PCDHGB3: variants seen among roughly 807,000 people sequenced by gnomAD.
PCDHGB3 encodes the protein protocadherin gamma subfamily B, 3.
PCDHGB3 carries 40 observed loss-of-function variants against 59.2 expected under a neutral mutation model. The ratio of observed to expected loss-of-function variants is 0.68; its 90% CI spans 0.52 to 0.88. The LOEUF (loss-of-function observed/expected upper bound fraction) is 0.88. PCDHGB3 is among the 40% of genes least tolerant of loss of function. The pLI, the probability that PCDHGB3 is intolerant of heterozygous loss-of-function variation, is 0.00. For synonymous variants in PCDHGB3, 581 were observed against 503.6 expected (o/e 1.15, Z -2.06); for missense variants, 1,309 against 1,187.9 (o/e 1.10, Z -1.50).
At position 141,410,612 on chromosome 5, in the gene PCDHGB3, C is replaced by CT. The variant is rs748943892; in HGVS notation, c.2415+37804dup. The CT allele has an allele frequency of 5.6e-6, 9 of 1,605,878 alleles. 1 individual carries two copies. The South Asian group carries it at 9.9e-5, about 18-fold the overall frequency. On this transcript the variant is annotated intron_variant, in intron 1 of 3. Transcript: ENST00000576222. ...GGATTTGACTTCACATCCTGAGACT[C>CT]TGACTTCGGTGAGTTTCTCTTTTTT...
chr5:141,491,982 T>G lies in PCDHGB3; in HGVS notation c.2416-2825T>G. On this transcript the variant is annotated intron_variant, in intron 1 of 3. Coordinates refer to ENST00000576222, the MANE Select transcript of PCDHGB3 (RefSeq NM_018924.5). This position sits in a 1 kb window ranked among gnomAD's most constrained non-coding sequence, Gnocchi z 6.9. Reference sequence around the variant, plus strand: ...AAAAGGCCGGGGCCTCCTTCGAGCTTCCGGTGAATTTCGGGCGATTTCCGC... The same window carrying G: ...AAAAGGCCGGGGCCTCCTTCGAGCTGCCGGTGAATTTCGGGCGATTTCCGC... The G allele has an allele frequency of 2.6e-6, 2 of 759,438 alleles. No homozygotes were observed. Among genetic ancestry groups the G allele is most frequent in the East Asian group, 3.2e-5 (1 of 31,728 alleles). The allele number at this position is 759,438 out of a possible 1,614,324, so 47.0% of individuals were successfully genotyped here. A position where few individuals can be genotyped will look rare whatever the true frequency, so the allele number is the denominator to read the frequency against.
At chr5:141,411,578 T>C (rs892738350) in intron 1 of PCDHGB3, 10 of 152,194 alleles carry the variant, frequency 6.6e-5, no homozygotes, top group African/African-American at 2.4e-4. Flanking sequence ...AGTGCGACCC[T>C]GTCTCTAAAA....
chr5:141,427,268 A>G (rs1433017911), intron 1 of PCDHGB3: 7 of 456,648 alleles, frequency 1.5e-5, no homozygotes, highest in Non-Finnish European at 3.1e-5. Flanking sequence ...TGACCAGCGA[A>G]TGTAAAATTA....
intron 1 of PCDHGB3, chr5:141,399,892 G>T: frequency 1.2e-6 from 2 of 1,612,554 alleles, no homozygotes; most frequent in Non-Finnish European, 1.7e-6. Flanking sequence ...CAAGGTAGTG[G>T]CCGTGGACGC....
At chr5:141,494,768 C>T (rs758949982) in intron 1 of PCDHGB3, 39 bp from the exon 2 acceptor site, 1 of 1,614,060 alleles carries the variant, frequency 6.2e-7, no homozygotes, top group South Asian at 1.1e-5. Flanking sequence ...TCTAACTTCT[C>T]ACGGGTACTC....
At chr5:141,433,854 A>T (rs2097660850) in intron 1 of PCDHGB3, among the ~76,000 whole-genome samples, 1 of 151,852 alleles carries the variant, frequency 6.6e-6, no homozygotes, top group African/African-American at 2.4e-5. Context: ...AAAAAAAAAA[A>T]ACTTTATCCT....
intron 1 of PCDHGB3, among the ~76,000 whole-genome samples, chr5:141,492,862 G>A (rs2099744602): frequency 6.6e-6 from 1 of 152,198 alleles, no homozygotes. Context: ...GAGCGCCCTG[G>A]CTCTCAACCC....
intron 1 of PCDHGB3, chr5:141,403,454 C>T: frequency 6.2e-7 from 1 of 1,614,054 alleles, no homozygotes; most frequent in Non-Finnish European, 8.5e-7. Context: ...GAACTCCCTC[C>T]AGAGCTACCA....
Position 141,511,400 on chromosome 5 carries a change from T to C in PCDHGB3, c.*227T>C. The C allele has an allele frequency of 2.0e-6, 2 of 982,250 alleles. No individual in the cohort carries two copies. Among genetic ancestry groups the C allele is most frequent in the Non-Finnish European group, 2.9e-6 (2 of 688,054 alleles). The allele number at this position is 982,250 out of a possible 1,614,324, so 60.8% of individuals were successfully genotyped here. On this transcript the variant is annotated 3_prime_UTR_variant, in exon 4 of 4. Coordinates refer to ENST00000576222, the MANE Select transcript of PCDHGB3 (RefSeq NM_018924.5). ...AGTTCCGCTGGGAACCCCCATCCAA[T>C]CAACTGCTGTACCCATGGGGGTAGT...
chr5:141,505,277 G>A, intron 2 of PCDHGB3, 116 bp from the exon 3 acceptor site: 1 of 1,539,958 alleles, frequency 6.5e-7, no homozygotes, highest in African/African-American at 1.4e-5. Context: ...AGAGAAACAG[G>A]TCTTGGGCAT....
chr5:141,408,230 C>G (rs1470965375), intron 1 of PCDHGB3: 1 of 1,566,168 alleles, frequency 6.4e-7, no homozygotes, highest in Non-Finnish European at 8.7e-7. Flanking sequence ...GCAGAGGCGC[C>G]GGGCCGGCCC....
intron 2 of PCDHGB3, among the ~76,000 whole-genome samples, chr5:141,501,279 A>T (rs1180397181): frequency 3.0e-5 from 4 of 135,444 alleles, no homozygotes. Context: ...AGTCTATGGG[A>T]TATTCCCTTA....
rs781336795 is a variant in PCDHGB3, at chr5:141,477,936, C to T, written c.2416-16871C>T. Reference sequence around the variant, plus strand: ...GATGCAGGGCACAATGCCTGGCTCTCCTACAGTCTCTTGGGATCCCCTAAC... The same window carrying T: ...GATGCAGGGCACAATGCCTGGCTCTTCTACAGTCTCTTGGGATCCCCTAAC... On this transcript the variant is annotated intron_variant, in intron 1 of 3. Transcript: ENST00000576222. This position sits in a 1 kb window ranked among gnomAD's most constrained non-coding sequence, Gnocchi z 4.9. 1.2e-6 allele frequency: 2 copies of T among 1,614,170 alleles called. No homozygotes were observed. The highest frequency in any genetic ancestry group is 1.1e-5 in the South Asian group (1 of 91,088).
At position 141,395,542 on chromosome 5, in the gene PCDHGB3, T is replaced by TTG. The variant is rs55729045; in HGVS notation, c.2415+22781_2415+22782dup. On this transcript the variant is annotated intron_variant, in intron 1 of 3. Transcript: ENST00000576222. ...TCCATACTGGTAATTTTGCTATTGT[T>TTG]TGTGTGTGTGTGTGTGTGTGTGTGT... 1.5e-3 allele frequency: 267 copies of TTG among 172,614 alleles called. 1 individual carries two copies. The highest frequency in any genetic ancestry group is 2.3e-3 in the African/African-American group (40 of 17,550). The allele number at this position is 172,614 out of a possible 1,614,324, so 10.7% of individuals were successfully genotyped here.
At chr5:141,405,389 T>A in intron 1 of PCDHGB3, 12 of 1,600,534 alleles carry the variant, frequency 7.5e-6, no homozygotes, top group Non-Finnish European at 8.5e-6. Context: ...GAGTTCATTT[T>A]TTTTCTTTCT....
intron 1 of PCDHGB3, among the ~76,000 whole-genome samples, chr5:141,425,997 A>T (rs1365887915): frequency 6.6e-6 from 1 of 152,174 alleles, no homozygotes; most frequent in African/African-American, 2.4e-5. Context: ...GAATTAGCAA[A>T]GGCTTCCGGC....
chr5:141,419,151 C>G, intron 1 of PCDHGB3: 3 of 1,613,918 alleles, frequency 1.9e-6, no homozygotes, highest in Non-Finnish European at 1.7e-6. Flanking sequence ...GGCAAGCCTC[C>G]GTTATCCTCC....
intron 1 of PCDHGB3, among the ~76,000 whole-genome samples, chr5:141,402,580 TA>T (rs2094282125): frequency 6.6e-6 from 1 of 152,226 alleles, no homozygotes; most frequent in Admixed American, 6.5e-5. Context: ...CTCAGATATC[TA>T]AAAAATAGAT....
At chr5:141,374,600 A>T (rs1770639456) in intron 1 of PCDHGB3, 1 of 1,613,658 alleles carries the variant, frequency 6.2e-7, no homozygotes, top group Admixed American at 1.7e-5. Flanking sequence ...ATTTAAGCTC[A>T]GTGGTAATAG....
Sources: gnomAD v4.1 joint callset for allele counts (sites outside exome capture counted in the v4.1 genomes callset) on GRCh38, gnomAD v4.1.1 for gene constraint, Gnocchi (gnomAD v3.1) non-coding constraint, MANE v1.5 for transcripts, NCBI Gene and HGNC (gene_info 2026-07-23, HGNC 2026-07-21) for gene names.